TPST1: variants seen among roughly 807,000 people sequenced by gnomAD.
TPST1 encodes tyrosylprotein sulfotransferase 1.
A neutral mutation model predicts 34.8 loss-of-function variants in TPST1; 20 were observed. That is an observed-to-expected ratio of 0.57 (90% CI 0.40 to 0.84). The LOEUF is 0.84. TPST1 is among the 40% of genes least tolerant of loss of function. The pLI, the probability that TPST1 is intolerant of heterozygous loss-of-function variation, is 0.00. For synonymous variants in TPST1, 152 were observed against 159.4 expected, an observed-to-expected ratio of 0.95 and a Z score of 0.35; for missense variants, 353 against 455.5, an observed-to-expected ratio of 0.78 and a Z score of 2.05.
chr7:66,225,691 C>G (rs1789641129), intron 1 of TPST1, among the ~76,000 whole-genome samples: 1 of 152,216 alleles, frequency 6.6e-6, no homozygotes. Context: ...CGTGTGTAAA[C>G]ACACATGCAC....
At chr7:66,220,187 T>G (rs1789513342) in intron 1 of TPST1, among the ~76,000 whole-genome samples, 1 of 152,176 alleles carries the variant, frequency 6.6e-6, no homozygotes, top group African/African-American at 2.4e-5. Context: ...TTGAGAAAGT[T>G]TTAGCAGGAT....
intron 1 of TPST1, among the ~76,000 whole-genome samples, chr7:66,233,568 C>T (rs555379457): frequency 6.6e-6 from 1 of 152,192 alleles, no homozygotes; most frequent in East Asian, 1.9e-4. Context: ...ATTTTTATGC[C>T]AGTACTACAT....
intron 3 of TPST1, among the ~76,000 whole-genome samples, chr7:66,308,559 T>A (rs1248641370): frequency 1.3e-5 from 2 of 152,188 alleles, no homozygotes; most frequent in African/African-American, 4.8e-5. Flanking sequence ...CTTTTCCTAC[T>A]CTACCTCTGC....
intron 2 of TPST1, among the ~76,000 whole-genome samples, chr7:66,260,161 AATTTTGGATT>A (rs1171389430): frequency 2.6e-5 from 4 of 152,192 alleles, no homozygotes; most frequent in African/African-American, 9.7e-5. Context: ...AAGTGTTTCC[AATTTTGGATT>A]ATTTTGGATT....
intron 3 of TPST1, among the ~76,000 whole-genome samples, chr7:66,333,849 C>G (rs1242001947): frequency 6.6e-6 from 1 of 152,170 alleles, no homozygotes; most frequent in African/African-American, 2.4e-5. Context: ...GATCCTCTAA[C>G]TTTAGTACAT....
At chr7:66,237,238 C>G (rs1789929576) in intron 1 of TPST1, among the ~76,000 whole-genome samples, 1 of 152,194 alleles carries the variant, frequency 6.6e-6, no homozygotes, top group Admixed American at 6.5e-5. Flanking sequence ...TTGCCTTGCC[C>G]TGCTCTGCCT....
intron 3 of TPST1, among the ~76,000 whole-genome samples, chr7:66,313,801 T>G (rs1413569957): frequency 8.5e-5 from 13 of 152,188 alleles, no homozygotes. Flanking sequence ...TCTTTCTCTC[T>G]CCTTATAAAA....
intron 3 of TPST1, among the ~76,000 whole-genome samples, chr7:66,322,906 CTTG>C (rs1251107909): frequency 1.9e-4 from 29 of 151,750 alleles, no homozygotes; most frequent in African/African-American, 7.0e-4. Flanking sequence ...CTCACCAACA[CTTG>C]TTATTTTTTT....
chr7:66,280,639 C>T (rs1001763031), intron 2 of TPST1, among the ~76,000 whole-genome samples: 1 of 152,078 alleles, frequency 6.6e-6, no homozygotes, highest in African/African-American at 2.4e-5. Flanking sequence ...ACTTCCAGTA[C>T]TGTGTTGAGT....
chr7:66,348,083 T>C (rs1792392326), intron 3 of TPST1, among the ~76,000 whole-genome samples: 1 of 152,218 alleles, frequency 6.6e-6, no homozygotes, highest in Non-Finnish European at 1.5e-5. Flanking sequence ...GCAAAACACC[T>C]TGGAGTCATT....
chr7:66,278,406 T>C (rs1790863787), intron 2 of TPST1, among the ~76,000 whole-genome samples: 1 of 152,142 alleles, frequency 6.6e-6, no homozygotes, highest in African/African-American at 2.4e-5. Flanking sequence ...GTTTGGACTA[T>C]GTTGAGCTTG....
intron 2 of TPST1, among the ~76,000 whole-genome samples, chr7:66,276,038 AT>A (rs1339480486): frequency 5.3e-5 from 8 of 151,662 alleles, no homozygotes; most frequent in Admixed American, 4.6e-4. Context: ...GTCTGATCTA[AT>A]TTTCTTCTCC....
In TPST1 at chr7:66,332,519, C is replaced by T. The variant is rs576034874; in HGVS notation, c.1045-19986C>T. On this transcript the variant is annotated intron_variant, in intron 3 of 5. Transcript: ENST00000304842. The surrounding 1 kb of genome is among the most constrained non-coding windows in gnomAD (Gnocchi z 4.5). ...AACTCCTGACCTCAGGTGATCCACC[C>T]GCCTCGGCCTCCCAAAGTGCTAGGA... Among the ~76,000 whole-genome samples, 88 of 152,204 alleles carry T rather than the reference C, an allele frequency of 5.8e-4. 1 individual carries two copies. The South Asian group carries it at 0.012, about 21-fold the overall frequency.
intron 1 of TPST1, among the ~76,000 whole-genome samples, chr7:66,235,085 A>G (rs1235655718): frequency 2.6e-5 from 4 of 151,390 alleles, no homozygotes; most frequent in South Asian, 2.1e-4. Context: ...TTTTCTTGCC[A>G]TTGTTTCCTT....
intron 4 of TPST1, 51 bp downstream of exon 4, chr7:66,352,606 T>C (rs1245193621): frequency 6.3e-7 from 1 of 1,584,350 alleles, no homozygotes; most frequent in East Asian, 2.3e-5. Context: ...GCTCTTGCAT[T>C]GAAGTAATAT....
intron 1 of TPST1, among the ~76,000 whole-genome samples, 161 bp from the exon 2 acceptor site, chr7:66,240,164 G>A (rs1022730636): frequency 1.6e-4 from 24 of 152,236 alleles, no homozygotes; most frequent in African/African-American, 5.3e-4. Flanking sequence ...TGGGATTACA[G>A]GTGTGAGCCA....
At chr7:66,213,150 C>T (rs2116230434) in intron 1 of TPST1, among the ~76,000 whole-genome samples, 1 of 152,180 alleles carries the variant, frequency 6.6e-6, no homozygotes, top group East Asian at 1.9e-4. Context: ...TTTTCAGTAC[C>T]ACTCTCTGTC....
intron 3 of TPST1, among the ~76,000 whole-genome samples, chr7:66,345,489 CAAAAAAAAAA>C (rs58837242): frequency 2.6e-4 from 17 of 64,868 alleles, no homozygotes; most frequent in African/African-American, 9.9e-4. Context: ...ACTCCATCTC[CAAAAAAAAAA>C]AAAAAAAAAA....
At chr7:66,335,545 T>C (rs1792079483) in intron 3 of TPST1, among the ~76,000 whole-genome samples, 1 of 152,108 alleles carries the variant, frequency 6.6e-6, no homozygotes, top group East Asian at 1.9e-4. Flanking sequence ...GATAGCAATA[T>C]AGTTGGAGAA....
Sources: allele counts gnomAD v4.1 joint callset (sites outside exome capture counted in the v4.1 genomes callset), GRCh38; gene constraint gnomAD v4.1.1; non-coding constraint Gnocchi (gnomAD v3.1); transcripts MANE v1.5; gene names NCBI Gene and HGNC (gene_info 2026-07-23, HGNC 2026-07-21).